Variants in TENM4 observed in about 807,000 individuals in gnomAD.
The protein encoded by TENM4 is teneurin-4.
Under a neutral mutation model 243.3 loss-of-function variants are expected in TENM4, and 82 were observed. That is an observed-to-expected ratio of 0.34 (90% CI 0.28 to 0.40). The LOEUF (loss-of-function observed/expected upper bound fraction) is 0.40. Among genes scored for constraint, TENM4 ranks in the 10% least tolerant of loss-of-function variants. The pLI is 1.00. For synonymous variants in TENM4, 1,412 were observed against 1,456.3 expected, an observed-to-expected ratio of 0.97 and a Z score of 0.69; for missense variants, 3,138 against 3,673.3, an observed-to-expected ratio of 0.85 and a Z score of 3.77.
intron 15 of TENM4, among the ~76,000 whole-genome samples, chr11:78,794,324 G>A (rs1857119220): frequency 6.6e-6 from 1 of 152,192 alleles, no homozygotes. Flanking sequence ...TCTGGGTAGA[G>A]GGATCAGACA....
chr11:78,832,525 A>C (rs930148669), intron 12 of TENM4, among the ~76,000 whole-genome samples: 1 of 152,270 alleles, frequency 6.6e-6, no homozygotes, highest in Non-Finnish European at 1.5e-5. Context: ...TTGGGCTTTA[A>C]AAAGTAAAAT....
intron 4 of TENM4, among the ~76,000 whole-genome samples, chr11:79,075,877 G>T (rs1860525214): frequency 6.6e-6 from 1 of 152,232 alleles, no homozygotes; most frequent in South Asian, 2.1e-4. Flanking sequence ...ACAAACTGTT[G>T]CAGACCAGTC....
chr11:79,179,044 A>G (rs1383792681), intron 3 of TENM4, among the ~76,000 whole-genome samples: 2 of 152,222 alleles, frequency 1.3e-5, no homozygotes, highest in Non-Finnish European at 2.9e-5. Flanking sequence ...AGGCTGGTAC[A>G]AGGACGTCAG....
chr11:78,683,735 C>G (rs933856711), intron 29 of TENM4, among the ~76,000 whole-genome samples: 10 of 151,658 alleles, frequency 6.6e-5, no homozygotes, highest in Non-Finnish European at 1.5e-4. Context: ...AATCACCCAT[C>G]TTCTGCGTCG....
intron 3 of TENM4, among the ~76,000 whole-genome samples, chr11:79,184,440 A>G (rs866231371): frequency 8.6e-5 from 13 of 151,890 alleles, no homozygotes; most frequent in Non-Finnish European, 1.6e-4. Flanking sequence ...GATAGGAGGC[A>G]GAGCTCAGGC....
At chr11:79,015,929 C>T (rs1052270250) in intron 6 of TENM4, among the ~76,000 whole-genome samples, 6 of 151,834 alleles carry the variant, frequency 4.0e-5, no homozygotes, top group African/African-American at 1.2e-4. Context: ...TTAGATTGGA[C>T]CTAAAGATGT....
At chr11:79,272,516 T>C (rs575626175) in intron 2 of TENM4, among the ~76,000 whole-genome samples, 4 of 152,306 alleles carry the variant, frequency 2.6e-5, no homozygotes, top group African/African-American at 9.6e-5. Flanking sequence ...CCAGGGCACA[T>C]CTCGTATTAT....
At chr11:79,321,040 G>A (rs1156823603) in intron 1 of TENM4, among the ~76,000 whole-genome samples, 1 of 152,212 alleles carries the variant, frequency 6.6e-6, no homozygotes, top group Non-Finnish European at 1.5e-5. Flanking sequence ...ATTTATCCTA[G>A]CAATTATTCT....
intron 4 of TENM4, among the ~76,000 whole-genome samples, chr11:79,074,686 T>C (rs1860493282): frequency 6.6e-6 from 1 of 152,190 alleles, no homozygotes; most frequent in Non-Finnish European, 1.5e-5. Context: ...ACAAGTGGTG[T>C]TGGGTGGACT....
intron 6 of TENM4, among the ~76,000 whole-genome samples, chr11:79,035,718 C>A (rs1015916732): frequency 5.3e-5 from 8 of 152,258 alleles, no homozygotes; most frequent in African/African-American, 1.9e-4. Flanking sequence ...TTACCCAAAT[C>A]TCCCATTCTT....
intron 1 of TENM4, chr11:79,439,210 C>T (rs1284030199): frequency 6.7e-6 from 1 of 150,126 alleles, no homozygotes; most frequent in East Asian, 2.0e-4. Context: ...TCGTGTGCTA[C>T]AAACACCAAG....
intron 3 of TENM4, among the ~76,000 whole-genome samples, chr11:79,196,395 T>C (rs1590786144): frequency 6.6e-6 from 1 of 151,728 alleles, no homozygotes; most frequent in East Asian, 1.9e-4. Context: ...GAAGATCAAA[T>C]GGGAAAACAG....
intron 4 of TENM4, among the ~76,000 whole-genome samples, chr11:79,109,321 A>G (rs564152435): frequency 6.6e-6 from 1 of 152,306 alleles, no homozygotes; most frequent in African/African-American, 2.4e-5. Flanking sequence ...GCTTGGTGTG[A>G]CAAGGCCTGA....
chr11:79,426,466 T>C lies in TENM4; in HGVS notation c.-321+14043A>G, dbSNP rs150289136. Reference sequence around the variant, plus strand: ...ACTAACAAGACCTTACTCAGCTCCATGTGAATAAATGCGATAATATAGGCC... The same window carrying C: ...ACTAACAAGACCTTACTCAGCTCCACGTGAATAAATGCGATAATATAGGCC... On this transcript the variant is annotated intron_variant, in intron 1 of 33. Transcript: ENST00000278550. Among the ~76,000 whole-genome samples the C allele has an allele frequency of 1.9e-4, 29 of 152,282 alleles. No individual in the cohort carries two copies. In the East Asian group the frequency reaches 4.6e-3, roughly 24 times the overall value.
intron 1 of TENM4, among the ~76,000 whole-genome samples, chr11:79,425,089 C>T (rs186509857): frequency 2.0e-5 from 3 of 152,218 alleles, no homozygotes; most frequent in African/African-American, 4.8e-5. Flanking sequence ...ATCTGAGTGG[C>T]GTACCCTCCT....
intron 5 of TENM4, 67 bp from the exon 6 acceptor site, chr11:79,065,074 A>G: frequency 1.4e-6 from 2 of 1,428,068 alleles, no homozygotes; most frequent in Non-Finnish European, 1.8e-6. Context: ...CTCTGCCTGA[A>G]GCCTGGCCTT....
chr11:78,931,699 A>C (rs544703458), intron 6 of TENM4, among the ~76,000 whole-genome samples: 2 of 152,250 alleles, frequency 1.3e-5, no homozygotes, highest in Non-Finnish European at 2.9e-5. Context: ...GTAGAGTCAC[A>C]GTATGGAATG....
At chr11:79,007,819 C>T (rs1381909772) in intron 6 of TENM4, among the ~76,000 whole-genome samples, 1 of 152,188 alleles carries the variant, frequency 6.6e-6, no homozygotes, top group African/African-American at 2.4e-5. Flanking sequence ...GGGAAGTTGG[C>T]TCTTTATCAT....
intron 1 of TENM4, among the ~76,000 whole-genome samples, chr11:79,361,984 G>GT (rs1857597175): frequency 6.6e-6 from 1 of 152,128 alleles, no homozygotes; most frequent in Non-Finnish European, 1.5e-5. Context: ...CCTCAACACA[G>GT]TACATATTTG....
Sources: allele counts gnomAD v4.1 joint callset (sites outside exome capture counted in the v4.1 genomes callset), GRCh38; gene constraint gnomAD v4.1.1; transcripts MANE v1.5; gene names NCBI Gene and HGNC (gene_info 2026-07-23, HGNC 2026-07-21).